STOX2: variants seen among roughly 807,000 people sequenced by gnomAD.
The protein encoded by STOX2 is storkhead-box protein 2.
STOX2 carries 28 observed loss-of-function variants against 60.9 expected under a neutral mutation model. That is an observed-to-expected ratio of 0.46 (90% CI 0.34 to 0.63). The LOEUF (loss-of-function observed/expected upper bound fraction) is 0.63. Ranked by LOEUF, STOX2 falls within the 30% of genes least tolerant of loss-of-function variation. STOX2 has a pLI of 0.01. For synonymous variants in STOX2, 472 were observed against 463.9 expected, an observed-to-expected ratio of 1.02 and a Z score of -0.22; for missense variants, 1,024 against 1,187.7, an observed-to-expected ratio of 0.86 and a Z score of 2.03.
intron 1 of STOX2, among the ~76,000 whole-genome samples, chr4:183,867,477 C>T (rs1740597738): frequency 6.6e-6 from 1 of 152,214 alleles, no homozygotes; most frequent in Non-Finnish European, 1.5e-5. Flanking sequence ...GATGAGCTTT[C>T]AGCGAATGCT....
intron 1 of STOX2, among the ~76,000 whole-genome samples, chr4:183,993,851 G>A (rs183797135): frequency 6.6e-6 from 1 of 152,208 alleles, no homozygotes; most frequent in African/African-American, 2.4e-5. Flanking sequence ...AAACGCAGGA[G>A]CATGTGAGGT....
Position 184,020,765 on chromosome 4 carries a change from T to C in STOX2, c.*3481T>C, listed in dbSNP as rs893638460. On this transcript the variant is annotated 3_prime_UTR_variant, in exon 4 of 4. Coordinates refer to ENST00000308497, the MANE Select transcript of STOX2 (RefSeq NM_020225.3). Reference sequence around the variant, plus strand: ...TGGATAAAAATAACAAATTACTTCTTCTCTGATGTTGTGAAGGTCAGGTTC... The same window carrying C: ...TGGATAAAAATAACAAATTACTTCTCCTCTGATGTTGTGAAGGTCAGGTTC... The C allele has an allele frequency of 6.6e-6, 1 of 152,176 alleles. No homozygotes were observed. Among genetic ancestry groups the C allele is most frequent in the South Asian group, 2.1e-4 (1 of 4,822 alleles). The allele number at this position is 152,176 out of a possible 1,614,324, so 9.4% of individuals were successfully genotyped here.
intron 1 of STOX2, among the ~76,000 whole-genome samples, chr4:183,853,230 T>A (rs932559633): frequency 1.3e-5 from 2 of 152,200 alleles, no homozygotes. Context: ...CGAAAGGAGA[T>A]TGTCTTCATT....
chr4:183,884,892 T>C (rs1419723861), intron 1 of STOX2, among the ~76,000 whole-genome samples: 1 of 152,106 alleles, frequency 6.6e-6, no homozygotes, highest in Non-Finnish European at 1.5e-5. Flanking sequence ...GCAGCGGTCA[T>C]GAAAGTAAAC....
At chr4:183,857,014 G>A (rs938703516) in intron 1 of STOX2, among the ~76,000 whole-genome samples, 20 of 151,714 alleles carry the variant, frequency 1.3e-4, no homozygotes, top group Non-Finnish European at 1.8e-4. Flanking sequence ...GGTTTGGAGG[G>A]GTTTGGAGGA....
At chr4:183,804,618 TGGC>T in intron 1 of STOX2, among the ~76,000 whole-genome samples, 1 of 152,354 alleles carries the variant, frequency 6.6e-6, no homozygotes, top group East Asian at 1.9e-4. Flanking sequence ...GAAGCGGGCC[TGGC>T]TCCTAAAGAA....
At chr4:184,004,268 C>T (rs1733722664) in intron 2 of STOX2, among the ~76,000 whole-genome samples, 1 of 152,102 alleles carries the variant, frequency 6.6e-6, no homozygotes, top group African/African-American at 2.4e-5. Context: ...TTTGGGCATC[C>T]ATATTCTAAA....
Position 184,010,795 on chromosome 4 carries a change from C to T in STOX2, c.1957C>T (p.His653Tyr), listed in dbSNP as rs1244213607. ...VPHSSREPVG[H>Y]KEESPKGPGG... ...CCACTCCTCCAGGGAGCCTGTGGGG[C>T]ACAAGGAGGAGTCACCAAAAGGGCC... The change falls in exon 3 of 4, where the codon CAC becomes TAC. Residue 653 changes from histidine (H) to tyrosine (Y), a missense_variant. By Grantham distance (83) the His-to-Tyr change is moderately conservative (BLOSUM62 2). Transcript: ENST00000308497. This position sits in a 1 kb window ranked among gnomAD's most constrained non-coding sequence, Gnocchi z 4.5. The T allele has an allele frequency of 6.3e-7, 1 of 1,581,212 alleles. No individual in the cohort carries two copies. Among genetic ancestry groups the T allele is most frequent in the Non-Finnish European group, 8.6e-7 (1 of 1,164,770 alleles).
chr4:183,829,470 A>G (rs1739516161), intron 1 of STOX2, among the ~76,000 whole-genome samples: 1 of 152,206 alleles, frequency 6.6e-6, no homozygotes, highest in Non-Finnish European at 1.5e-5. Flanking sequence ...GGGTACTGTT[A>G]TACATAACTA....
At chr4:183,803,872 A>G (rs1384362006) in intron 1 of STOX2, among the ~76,000 whole-genome samples, 5 of 152,148 alleles carry the variant, frequency 3.3e-5, no homozygotes, top group Admixed American at 2.0e-4. Flanking sequence ...CTGAGGCAGG[A>G]GAATCGCTTG....
At position 184,019,308 on chromosome 4, in the gene STOX2, T is replaced by C. The variant is rs1734490168; in HGVS notation, c.*2024T>C. ...CGCATTGTTTGTCTCATTGCTTAAATATGTCCAGAAGGAATGATCATGTAT... is the reference window on the plus strand; with the variant it reads ...CGCATTGTTTGTCTCATTGCTTAAACATGTCCAGAAGGAATGATCATGTAT... On this transcript the variant is annotated 3_prime_UTR_variant, in exon 4 of 4. Coordinates refer to ENST00000308497, the MANE Select transcript of STOX2 (RefSeq NM_020225.3). 1 of 152,248 alleles carries C rather than the reference T, an allele frequency of 6.6e-6. No individual in the cohort carries two copies. Among genetic ancestry groups the C allele is most frequent in the Non-Finnish European group, 1.5e-5 (1 of 68,044 alleles). The allele number at this position is 152,248 out of a possible 1,614,324, so 9.4% of individuals were successfully genotyped here. A position where few individuals can be genotyped will look rare whatever the true frequency, so the allele number is the denominator to read the frequency against.
intron 2 of STOX2, among the ~76,000 whole-genome samples, chr4:184,002,348 C>T (rs971447320): frequency 3.9e-5 from 6 of 152,190 alleles, no homozygotes; most frequent in Non-Finnish European, 7.3e-5. Context: ...TAAAAGGGAA[C>T]GTTTGCTATA....
chr4:183,843,147 C>CAAAAAAAAAAA (rs60213127), intron 1 of STOX2, among the ~76,000 whole-genome samples: 2 of 102,202 alleles, frequency 2.0e-5, no homozygotes, highest in Admixed American at 1.0e-4. Context: ...GACTCCATCT[C>CAAAAAAAAAAA]AAAAAAAAAA....
chr4:183,957,741 C>A (rs959313070), intron 1 of STOX2, among the ~76,000 whole-genome samples: 8 of 152,200 alleles, frequency 5.3e-5, no homozygotes, highest in Non-Finnish European at 8.8e-5. Context: ...GTTTTTCCTG[C>A]CTTGGACCTA....
intron 1 of STOX2, among the ~76,000 whole-genome samples, chr4:183,993,079 G>A (rs867643551): frequency 2.6e-5 from 4 of 152,224 alleles, no homozygotes; most frequent in Admixed American, 6.5e-5. Flanking sequence ...CACCTCTGGC[G>A]GTGGGGAAGG....
At chr4:183,829,164 T>G (rs1739510459) in intron 1 of STOX2, among the ~76,000 whole-genome samples, 1 of 152,236 alleles carries the variant, frequency 6.6e-6, no homozygotes, top group Non-Finnish European at 1.5e-5. Flanking sequence ...AAAGTGGTCT[T>G]TTGTTTTTAA....
chr4:183,932,516 T>C (rs1742468741), intron 1 of STOX2, among the ~76,000 whole-genome samples: 1 of 151,936 alleles, frequency 6.6e-6, no homozygotes, highest in South Asian at 2.1e-4. Context: ...ACATTAATGG[T>C]GTATTGATAC....
intron 1 of STOX2, among the ~76,000 whole-genome samples, chr4:183,933,632 A>G (rs933271765): frequency 6.6e-6 from 1 of 151,692 alleles, no homozygotes; most frequent in Non-Finnish European, 1.5e-5. Context: ...CAGGTGATCC[A>G]CCCGCCTCAT....
upstream of STOX2, among the ~76,000 whole-genome samples, chr4:183,901,141 T>C (rs1190097087): frequency 6.6e-6 from 1 of 152,194 alleles, no homozygotes; most frequent in African/African-American, 2.4e-5. Flanking sequence ...CTAAGTACTT[T>C]GTATAAGTGG....
Sources: allele counts gnomAD v4.1 joint callset (sites outside exome capture counted in the v4.1 genomes callset), GRCh38; gene constraint gnomAD v4.1.1; non-coding constraint Gnocchi (gnomAD v3.1); transcripts MANE v1.5; gene names NCBI Gene and HGNC (gene_info 2026-07-23, HGNC 2026-07-21).